The following PRKG1 variants were observed in gnomAD, a reference collection of about 807,000 sequenced individuals.
PRKG1 encodes the protein cGMP-dependent protein kinase 1.
In PRKG1, 35 loss-of-function variants were observed where a neutral mutation model predicts 88.1. The ratio of observed to expected loss-of-function variants is 0.40; its 90% CI spans 0.30 to 0.53. The LOEUF (loss-of-function observed/expected upper bound fraction) is 0.53. Ranked by LOEUF, PRKG1 falls within the 20% of genes least tolerant of loss-of-function variation. The pLI, the probability that PRKG1 is intolerant of heterozygous loss-of-function variation, is 0.59. For missense variants in PRKG1, 540 were observed against 839.8 expected, an observed-to-expected ratio of 0.64 and a Z score of 4.41; for synonymous variants, 303 against 292.5, an observed-to-expected ratio of 1.04 and a Z score of -0.37.
At chr10:51,341,407 G>A (rs1278399924) in intron 2 of PRKG1, among the ~76,000 whole-genome samples, 1 of 152,148 alleles carries the variant, frequency 6.6e-6, no homozygotes, top group East Asian at 1.9e-4. Context: ...GAGAAGTAAA[G>A]CCTGTTGTTG....
intron 3 of PRKG1, among the ~76,000 whole-genome samples, chr10:51,638,383 G>A (rs1363432355): frequency 1.3e-5 from 2 of 151,926 alleles, no homozygotes; most frequent in Non-Finnish European, 2.9e-5. Context: ...TGTGTAGCTT[G>A]GTGGTGAGCA....
chr10:51,838,414 C>G (rs1840183685), intron 4 of PRKG1, among the ~76,000 whole-genome samples: 2 of 152,088 alleles, frequency 1.3e-5, no homozygotes, highest in South Asian at 4.1e-4. Flanking sequence ...GAGAAAAGGG[C>G]AGAAAATCTA....
intron 3 of PRKG1, among the ~76,000 whole-genome samples, chr10:51,738,761 TAAAC>T (rs1287971153): frequency 2.6e-5 from 4 of 152,306 alleles, no homozygotes; most frequent in African/African-American, 4.8e-5. Context: ...TTAGATGAAA[TAAAC>T]TTCAATCCCC....
chr10:51,107,492 A>G (rs142553533), intron 1 of PRKG1, among the ~76,000 whole-genome samples: 68 of 152,260 alleles, frequency 4.5e-4, no homozygotes, highest in Non-Finnish European at 8.5e-4. Flanking sequence ...AATAGTAAAA[A>G]CAATATAAAA....
In PRKG1 at chr10:51,784,968, T is replaced by A. The variant is rs556590905; in HGVS notation, c.593-19617T>A. On this transcript the variant is annotated intron_variant, in intron 3 of 17. Transcript: ENST00000373980. Reference sequence around the variant, plus strand: ...AAAGACTATGACTAATTAAAATAAATTTTCTTCTCATTTTTTTTAGAATCC... The same window carrying A: ...AAAGACTATGACTAATTAAAATAAAATTTCTTCTCATTTTTTTTAGAATCC... Among the ~76,000 whole-genome samples the A allele has an allele frequency of 5.3e-5, 8 of 152,140 alleles. No homozygotes were observed. The South Asian group carries it at 1.7e-3, about 31-fold the overall frequency.
intron 2 of PRKG1, among the ~76,000 whole-genome samples, chr10:51,440,295 AC>A (rs1564495997): frequency 6.6e-6 from 1 of 151,948 alleles, no homozygotes; most frequent in Non-Finnish European, 1.5e-5. Flanking sequence ...GGCTTGACTT[AC>A]AATTTTTCAA....
chr10:51,297,739 T>C (rs1840757886), intron 2 of PRKG1, among the ~76,000 whole-genome samples: 2 of 152,168 alleles, frequency 1.3e-5, no homozygotes, highest in African/African-American at 4.8e-5. Flanking sequence ...GGTTTTAAGA[T>C]GGCATCTTTG....
chr10:51,687,235 G>A (rs960266975), intron 3 of PRKG1, among the ~76,000 whole-genome samples: 3 of 152,292 alleles, frequency 2.0e-5, no homozygotes, highest in Admixed American at 2.0e-4. Context: ...CAAAGACAAG[G>A]TTAAAAGCAC....
chr10:51,638,105 T>C (rs1428536138), intron 3 of PRKG1, among the ~76,000 whole-genome samples: 2 of 152,208 alleles, frequency 1.3e-5, no homozygotes, highest in Non-Finnish European at 2.9e-5. Flanking sequence ...TTTAGAGTTA[T>C]GATTGAAAAT....
upstream of PRKG1, among the ~76,000 whole-genome samples, chr10:51,070,358 C>T (rs1589131908): frequency 1.3e-5 from 2 of 152,030 alleles, no homozygotes; most frequent in Admixed American, 6.5e-5. Flanking sequence ...TAGAACAGAC[C>T]GTCATGTCTG....
intron 5 of PRKG1, among the ~76,000 whole-genome samples, chr10:51,989,542 A>G (rs940694077): frequency 3.9e-5 from 6 of 152,012 alleles, no homozygotes; most frequent in African/African-American, 1.4e-4. Flanking sequence ...GATTGCCTGT[A>G]ATGTCAATCA....
At chr10:51,573,223 CT>C (rs1203301962) in intron 3 of PRKG1, among the ~76,000 whole-genome samples, 1 of 151,854 alleles carries the variant, frequency 6.6e-6, no homozygotes, top group Non-Finnish European at 1.5e-5. Flanking sequence ...CCCCAGCCAT[CT>C]TTTGAGTTTT....
At chr10:52,194,019 A>G (rs1564511617) in intron 9 of PRKG1, among the ~76,000 whole-genome samples, 1 of 152,208 alleles carries the variant, frequency 6.6e-6, no homozygotes, top group South Asian at 2.1e-4. Context: ...GGTAAAGATC[A>G]AAATGTATGT....
chr10:52,288,793 G>A lies in PRKG1; in HGVS notation c.1777G>A (p.Glu593Lys). ...NIILRGIDMI[E>K]FPKKIAKNAA... The stretch of plus-strand genomic sequence containing the variant: ...CATATTGAGGGGGATTGACATGATA[G>A]AATTTCCAAAGAAGATTGCCAAAAA... The change falls in exon 15 of 18, where the codon GAA becomes AAA. Residue 593 changes from glutamate to lysine, a missense_variant. Transcript: ENST00000373980. 2.5e-6 allele frequency: 4 copies of A among 1,607,692 alleles called. No homozygotes were observed. Among genetic ancestry groups the A allele is most frequent in the Non-Finnish European group, 3.4e-6 (4 of 1,177,364 alleles).
At chr10:51,004,615 A>C (rs1197012847) in intron 1 of PRKG1, among the ~76,000 whole-genome samples, 1 of 152,158 alleles carries the variant, frequency 6.6e-6, no homozygotes, top group African/African-American at 2.4e-5. Context: ...TTTTTTTTAT[A>C]CTTGAGTTAC....
At chr10:52,160,107 C>T (rs761668350) in intron 8 of PRKG1, among the ~76,000 whole-genome samples, 1 of 151,756 alleles carries the variant, frequency 6.6e-6, no homozygotes, top group African/African-American at 2.4e-5. Context: ...AGAAAATTAG[C>T]CAGATATTAT....
intron 1 of PRKG1, among the ~76,000 whole-genome samples, chr10:51,114,670 G>A (rs1236062506): frequency 6.6e-6 from 1 of 152,130 alleles, no homozygotes; most frequent in African/African-American, 2.4e-5. Flanking sequence ...CATAGAAAAT[G>A]TTTTGATTTT....
chr10:51,207,996 T>G (rs2132067391), intron 2 of PRKG1, among the ~76,000 whole-genome samples: 1 of 152,364 alleles, frequency 6.6e-6, no homozygotes, highest in Non-Finnish European at 1.5e-5. Flanking sequence ...TAACTGAATG[T>G]CTTTGATGCA....
At chr10:51,597,126 A>G (rs1017219111) in intron 3 of PRKG1, among the ~76,000 whole-genome samples, 1 of 152,110 alleles carries the variant, frequency 6.6e-6, no homozygotes, top group Admixed American at 6.6e-5. Context: ...TCTAGTTGGT[A>G]TATGTTTTCT....
Sources: allele counts gnomAD v4.1 joint callset (sites outside exome capture counted in the v4.1 genomes callset), GRCh38; gene constraint gnomAD v4.1.1; transcripts MANE v1.5; gene names NCBI Gene and HGNC (gene_info 2026-07-23, HGNC 2026-07-21).